The following SCML1 variants were observed in gnomAD, a reference collection of about 807,000 sequenced individuals.
SCML1 encodes Scm polycomb group protein like 1.
For synonymous variants in SCML1, 104 were observed against 103.6 expected, an observed-to-expected ratio of 1.00 and a Z score of -0.02; for missense variants, 137 against 258.1, an observed-to-expected ratio of 0.53 and a Z score of 3.22.
rs961691857 is a variant in SCML1, at chrX:17,754,480, A to G, written c.*1088A>G. 8.9e-6 allele frequency: 1 copy of G among 112,570 alleles called. No individual in the cohort carries two copies. Among genetic ancestry groups the G allele is most frequent in the Admixed American group, 9.4e-5 (1 of 10,589 alleles). 9.3% of individuals were successfully genotyped at this position (112,570 alleles called of 1,213,427 possible). ...ACAGGGAAGTTCTCCGTCCTATGCA[A>G]TGTTTCTAATTAATTTGCTTAATTC... is the stretch of plus-strand genomic sequence containing the variant. On this transcript the variant is annotated 3_prime_UTR_variant, in exon 8 of 8. Coordinates refer to ENST00000380041, the MANE Select transcript of SCML1 (RefSeq NM_001037540.3).
At chrX:17,744,371 A>G (rs1342015687) in intron 2 of SCML1, 152 bp downstream of exon 2, 3 of 382,042 alleles carry the variant, frequency 7.9e-6, no homozygotes, top group Non-Finnish European at 1.3e-5. Flanking sequence ...TCTTGTGACA[A>G]TTTGTGTACA....
At chrX:17,748,817 C>T (rs2066671965) in intron 4 of SCML1, among the ~76,000 whole-genome samples, 1 of 111,834 alleles carries the variant, frequency 8.9e-6, no homozygotes, top group African/African-American at 3.3e-5. Context: ...TTTTATCAGT[C>T]TCCTATGTGT....
In SCML1 at chrX:17,753,369, C is replaced by G; in HGVS notation, c.967C>G (p.Gln323Glu). 8.8e-7 allele frequency: 1 copy of G among 1,136,296 alleles called. No individual in the cohort carries two copies. The highest frequency in any genetic ancestry group is 1.2e-6 in the Non-Finnish European group (1 of 854,247). 93.6% of individuals were successfully genotyped at this position (1,136,296 alleles called of 1,213,427 possible). Residue 323 changes from glutamine to glutamate, a missense_variant, in exon 8 of 8, where the codon CAA becomes GAA. Gln to Glu is a conservative substitution (Grantham distance 29). Coordinates refer to ENST00000380041, the MANE Select transcript of SCML1 (RefSeq NM_001037540.3). ...KLCYYIDRLK[Q>E]GKCFEN ...ATGCTACTACATTGACCGACTTAAA[C>G]AAGGAAAATGCTTTGAAAATTGAAA...
chrX:17,749,361 A>G, intron 4 of SCML1, 39 bp from the exon 5 acceptor site: 1 of 755,821 alleles, frequency 1.3e-6, no homozygotes, highest in Non-Finnish European at 1.9e-6. Context: ...TATATTTTAC[A>G]TTGTATACCA....
chrX:17,745,268 G>A, intron 2 of SCML1, 188 bp from the exon 3 acceptor site: 1 of 374,641 alleles, frequency 2.7e-6, no homozygotes, highest in Non-Finnish European at 4.7e-6. Flanking sequence ...AGTGTAGTTG[G>A]GTTAATGAGA....
At chrX:17,738,648 A>G (rs1472568489) in intron 1 of SCML1, among the ~76,000 whole-genome samples, 2 of 111,591 alleles carry the variant, frequency 1.8e-5, no homozygotes, top group Non-Finnish European at 3.8e-5. Context: ...GTGGCGCCTC[A>G]TTGTGAGCTG....
At chrX:17,752,716 C>A (rs1192962545) in intron 7 of SCML1, among the ~76,000 whole-genome samples, 1 of 111,712 alleles carries the variant, frequency 9.0e-6, no homozygotes, top group Non-Finnish European at 1.9e-5. Context: ...ACAGTGTGTC[C>A]TAACAAAATT....
chrX:17,740,740 G>A (rs2066587796), intron 1 of SCML1, among the ~76,000 whole-genome samples: 1 of 112,582 alleles, frequency 8.9e-6, no homozygotes, highest in Non-Finnish European at 1.9e-5. Context: ...CATTGGCATG[G>A]TGCCCTTGCT....
intron 1 of SCML1, among the ~76,000 whole-genome samples, chrX:17,739,848 CAAA>C (rs747850155): frequency 3.0e-5 from 1 of 32,872 alleles, no homozygotes; most frequent in Non-Finnish European, 5.6e-5. Context: ...GACTCTGTCT[CAAA>C]AAAAAAAAAA....
At chrX:17,744,587 T>C (rs1020466577) in intron 2 of SCML1, 8 of 126,212 alleles carry the variant, frequency 6.3e-5, no homozygotes, top group Non-Finnish European at 3.2e-5. Flanking sequence ...TATTAAACTA[T>C]AAATAATTTG....
At chrX:17,740,385 G>A (rs929071665) in intron 1 of SCML1, among the ~76,000 whole-genome samples, 1 of 111,288 alleles carries the variant, frequency 9.0e-6, no homozygotes, top group African/African-American at 3.3e-5. Flanking sequence ...GGATAGATGC[G>A]GTCAATACTC....
intron 6 of SCML1, 94 bp from the exon 7 acceptor site, chrX:17,751,721 G>C (rs1296675744): frequency 4.2e-6 from 4 of 947,256 alleles, no homozygotes; most frequent in Non-Finnish European, 5.8e-6. Flanking sequence ...CCAACAAAGA[G>C]AGCATTCCTC....
intron 3 of SCML1, 134 bp downstream of exon 3, chrX:17,745,673 G>C: frequency 2.4e-6 from 1 of 421,361 alleles, no homozygotes; most frequent in East Asian, 4.1e-5. Flanking sequence ...TTGTATGCTT[G>C]CTTTCATCAG....
At chrX:17,747,405 C>A (rs2147173783) in intron 4 of SCML1, among the ~76,000 whole-genome samples, 2 of 111,524 alleles carry the variant, frequency 1.8e-5, no homozygotes, top group East Asian at 2.8e-4. Flanking sequence ...TCCCATCCCT[C>A]CTTTCCTGTC....
At chrX:17,737,967 C>T (rs1299099236) in intron 1 of SCML1, 1 of 112,099 alleles carries the variant, frequency 8.9e-6, no homozygotes, top group African/African-American at 3.2e-5. Context: ...AGTCATTCTC[C>T]TGTCAGGGGA....
rs1296788968 is a variant in SCML1, at chrX:17,749,679, G to T, written c.303+175G>T. Reference sequence around the variant, plus strand: ...TGGGAGAACGCTGAAGTTTAGGTTTGATAATTTATGATGCTGCCTATTTTT... The same window carrying T: ...TGGGAGAACGCTGAAGTTTAGGTTTTATAATTTATGATGCTGCCTATTTTT... On this transcript the variant is annotated intron_variant, in intron 5 of 7. Transcript: ENST00000380041. The T allele has an allele frequency of 1.0e-5, 5 of 493,251 alleles. No individual in the cohort carries two copies. In the South Asian group the frequency reaches 1.9e-4, roughly 18 times the overall value. 40.6% of individuals were successfully genotyped at this position (493,251 alleles called of 1,213,427 possible).
chrX:17,751,181 A>G (rs188981086), intron 6 of SCML1, among the ~76,000 whole-genome samples: 210 of 112,550 alleles, frequency 1.9e-3, no homozygotes, highest in African/African-American at 6.0e-3. Flanking sequence ...CACAATGCAC[A>G]TTAGCACTTA....
intron 1 of SCML1, among the ~76,000 whole-genome samples, chrX:17,738,609 G>A (rs1487671101): frequency 9.0e-6 from 1 of 111,627 alleles, no homozygotes; most frequent in African/African-American, 3.3e-5. Flanking sequence ...GCGTTTTGCT[G>A]TGTGTTCCTC....
rs1556046281 is a variant in SCML1 at position 17,739,866 on chromosome X, A to AAG, written c.-117+2187_-117+2188insGA. Among the ~76,000 whole-genome samples the AAG allele has an allele frequency of 3.0e-3, 322 of 107,371 alleles. 4 individuals carry two copies. Among genetic ancestry groups the AAG allele is most frequent in the African/African-American group, 0.01 (304 of 29,041 alleles). The allele number at this position is 107,371 out of a possible 115,157, so 93.2% of individuals were successfully genotyped here. On this transcript the variant is annotated intron_variant, in intron 1 of 7. Transcript: ENST00000380041. Reference sequence around the variant, plus strand: ...TCTGTCTCAAAAAAAAAAAAAAAAAAAAAAGAAATTTAGATTTCTGTGGTA... The same window carrying AAG: ...TCTGTCTCAAAAAAAAAAAAAAAAAAAGAAAAGAAATTTAGATTTCTGTGGTA...
Sources: allele counts gnomAD v4.1 joint callset (sites outside exome capture counted in the v4.1 genomes callset), GRCh38; gene constraint gnomAD v4.1.1; transcripts MANE v1.5; gene names NCBI Gene and HGNC (gene_info 2026-07-23, HGNC 2026-07-21).